CPNE4: variants seen among roughly 807,000 people sequenced by gnomAD.
The protein encoded by CPNE4 is copine-4.
Under a neutral mutation model 67.9 loss-of-function variants are expected in CPNE4, and 25 were observed. The observed-to-expected ratio is 0.37, with a 90% confidence interval of 0.27 to 0.51. The LOEUF (loss-of-function observed/expected upper bound fraction) is 0.51, where lower values mean the gene tolerates loss of function less well. Among genes scored for constraint, CPNE4 ranks in the 20% least tolerant of loss-of-function variants. The pLI, the probability that CPNE4 is intolerant of heterozygous loss-of-function variation, is 0.93. For synonymous variants in CPNE4, 242 were observed against 244.9 expected (o/e 0.99, Z 0.11); for missense variants, 464 against 690.8 (o/e 0.67, Z 3.68).
At chr3:132,020,128 C>A (rs2073963009) in intron 1 of CPNE4, among the ~76,000 whole-genome samples, 1 of 143,578 alleles carries the variant, frequency 7.0e-6, no homozygotes, top group Non-Finnish European at 1.5e-5. Flanking sequence ...ACCCGTCCTG[C>A]ACATGGGAGA....
At chr3:131,818,765 A>C (rs904917396) in intron 2 of CPNE4, among the ~76,000 whole-genome samples, 2 of 152,216 alleles carry the variant, frequency 1.3e-5, no homozygotes, top group Non-Finnish European at 2.9e-5. Context: ...AGTTGTTGAG[A>C]TTGAATCCTG....
intron 2 of CPNE4, among the ~76,000 whole-genome samples, chr3:131,897,936 A>T (rs1583421149): frequency 6.6e-6 from 1 of 151,996 alleles, no homozygotes; most frequent in African/African-American, 2.4e-5. Flanking sequence ...AATAAAATAT[A>T]GATGAGCCCA....
At chr3:131,657,756 G>A (rs1910256) in intron 7 of CPNE4, among the ~76,000 whole-genome samples, 49,740 of 150,516 alleles carry the variant, frequency 0.33, 8,613 homozygotes, top group African/African-American at 0.4. Context: ...AGTAGAAACG[G>A]GGTTTCGCCA....
intron 7 of CPNE4, among the ~76,000 whole-genome samples, chr3:131,632,675 A>T (rs757601293): frequency 6.6e-6 from 1 of 152,130 alleles, no homozygotes; most frequent in Non-Finnish European, 1.5e-5. Context: ...CCTTAGAATT[A>T]TCTGATAGAT....
chr3:131,858,363 CT>C (rs199629981), intron 2 of CPNE4, among the ~76,000 whole-genome samples: 35,297 of 151,858 alleles, frequency 0.23, 4,672 homozygotes, highest in East Asian at 0.33. Flanking sequence ...TTAACTACTA[CT>C]CAAAAGACAA....
chr3:131,784,698 T>C (rs1344234642), intron 2 of CPNE4, among the ~76,000 whole-genome samples: 1 of 152,128 alleles, frequency 6.6e-6, no homozygotes, highest in Non-Finnish European at 1.5e-5. Flanking sequence ...ACAATCTTTT[T>C]TATTTTCTTC....
chr3:131,830,991 A>G (rs1429596096), intron 2 of CPNE4, among the ~76,000 whole-genome samples: 1 of 152,120 alleles, frequency 6.6e-6, no homozygotes, highest in Non-Finnish European at 1.5e-5. Flanking sequence ...TACTGTTAGA[A>G]TAATTGTTCT....
intron 7 of CPNE4, among the ~76,000 whole-genome samples, chr3:131,590,895 T>G (rs943673190): frequency 3.3e-5 from 5 of 152,208 alleles, no homozygotes; most frequent in African/African-American, 1.2e-4. Flanking sequence ...CAATGTAGCT[T>G]TGACAGGAGT....
intron 1 of CPNE4, among the ~76,000 whole-genome samples, chr3:131,912,752 A>G (rs903690180): frequency 2.0e-5 from 3 of 152,146 alleles, no homozygotes; most frequent in Non-Finnish European, 4.4e-5. Context: ...ACCTGCCTGA[A>G]GTTTCATACT....
At chr3:131,880,239 C>G (rs1395370588) in intron 2 of CPNE4, among the ~76,000 whole-genome samples, 1 of 151,818 alleles carries the variant, frequency 6.6e-6, no homozygotes, top group East Asian at 1.9e-4. Context: ...CCTCACCCTC[C>G]AAAGTAGCTG....
At position 131,699,906 on chromosome 3, in the gene CPNE4, T is replaced by C. The variant is rs1560138741; in HGVS notation, c.432+3A>G. 1 of 1,613,022 alleles carries C rather than the reference T, an allele frequency of 6.2e-7. No individual in the cohort carries two copies. Among genetic ancestry groups the C allele is most frequent in the Admixed American group, 1.7e-5 (1 of 59,962 alleles). ...GACAGCTGCTTAGGGAGTGCCTGCT[T>C]ACCGTGATGGAAGATTTCCCTGCTG... On this transcript the variant is annotated splice_donor_region_variant and intron_variant, in intron 4 of 15. Coordinates refer to ENST00000429747, the MANE Select transcript of CPNE4 (RefSeq NM_130808.3).
chr3:132,004,413 T>C (rs116609400), intron 1 of CPNE4, among the ~76,000 whole-genome samples: 2 of 152,110 alleles, frequency 1.3e-5, no homozygotes, highest in African/African-American at 4.8e-5. Flanking sequence ...TATGTGTGTA[T>C]GTACATGTGG....
At chr3:131,978,048 G>GATAT (rs1279797313) in intron 1 of CPNE4, among the ~76,000 whole-genome samples, 11 of 76,596 alleles carry the variant, frequency 1.4e-4, no homozygotes, top group African/African-American at 6.0e-4. Flanking sequence ...TTCCATCATA[G>GATAT]ATATATATAA....
intron 9 of CPNE4, among the ~76,000 whole-genome samples, chr3:131,581,029 T>C (rs1301002092): frequency 6.6e-6 from 1 of 151,912 alleles, no homozygotes; most frequent in African/African-American, 2.4e-5. Context: ...AAAAATTAGC[T>C]GGGCGTGGTG....
chr3:131,791,838 T>C (rs2083731747), intron 2 of CPNE4, among the ~76,000 whole-genome samples: 1 of 152,128 alleles, frequency 6.6e-6, no homozygotes, highest in Non-Finnish European at 1.5e-5. Flanking sequence ...TTCTCATGAT[T>C]CTCTGGGAAG....
At chr3:131,853,924 C>A (rs1048232204) in intron 2 of CPNE4, among the ~76,000 whole-genome samples, 2 of 151,852 alleles carry the variant, frequency 1.3e-5, no homozygotes, top group African/African-American at 2.4e-5. Flanking sequence ...CTGGAAATCT[C>A]GTTCACTTTT....
intron 2 of CPNE4, among the ~76,000 whole-genome samples, chr3:131,881,516 T>C (rs1285627988): frequency 6.6e-6 from 1 of 152,078 alleles, no homozygotes; most frequent in Non-Finnish European, 1.5e-5. Flanking sequence ...ATAGGTGTGT[T>C]CTTGGTGGTC....
intron 2 of CPNE4, among the ~76,000 whole-genome samples, chr3:131,884,256 T>G (rs941315855): frequency 1.2e-4 from 18 of 152,186 alleles, no homozygotes; most frequent in African/African-American, 4.3e-4. Flanking sequence ...TATGGACTGG[T>G]AGGTAAATCA....
At chr3:131,780,173 A>AGGTTGT (rs1384092442) in intron 2 of CPNE4, among the ~76,000 whole-genome samples, 5 of 152,274 alleles carry the variant, frequency 3.3e-5, no homozygotes, top group African/African-American at 9.6e-5. Context: ...TAAAAAGTCA[A>AGGTTGT]AAAATAACAG....
Sources: allele counts gnomAD v4.1 joint callset (sites outside exome capture counted in the v4.1 genomes callset), GRCh38; gene constraint gnomAD v4.1.1; transcripts MANE v1.5; gene names NCBI Gene and HGNC (gene_info 2026-07-23, HGNC 2026-07-21).